FHIT: variants seen among roughly 807,000 people sequenced by gnomAD.
FHIT encodes fragile histidine triad diadenosine triphosphatase.
In FHIT, 19 loss-of-function variants were observed where a neutral mutation model predicts 17.9. The ratio of observed to expected loss-of-function variants is 1.06; its 90% CI spans 0.74 to 1.56. The LOEUF is 1.56. Ranked by LOEUF, FHIT falls within the 40% of genes most tolerant of loss-of-function variation. FHIT has a pLI of 0.00. For synonymous variants in FHIT, 81 were observed against 69.7 expected (o/e 1.16, Z -0.81); for missense variants, 248 against 189.2 (o/e 1.31, Z -1.82).
chr3:59,786,751 A>C (rs952802994), intron 8 of FHIT, among the ~76,000 whole-genome samples: 4 of 152,230 alleles, frequency 2.6e-5, no homozygotes, highest in Non-Finnish European at 5.9e-5. Flanking sequence ...TGCCATGTTT[A>C]CTCAACACAC....
intron 5 of FHIT, among the ~76,000 whole-genome samples, chr3:60,440,067 C>G (rs1448544908): frequency 6.6e-6 from 1 of 152,110 alleles, no homozygotes; most frequent in Non-Finnish European, 1.5e-5. Flanking sequence ...ACCTAGCCCC[C>G]AGAGTCTCAT....
chr3:60,652,182 A>G (rs1315589007), intron 4 of FHIT, among the ~76,000 whole-genome samples: 1 of 152,204 alleles, frequency 6.6e-6, no homozygotes, highest in Non-Finnish European at 1.5e-5. Flanking sequence ...ATTACAGGCC[A>G]GGCTGAATAT....
At chr3:60,111,498 C>G (rs1020852776) in intron 5 of FHIT, among the ~76,000 whole-genome samples, 2 of 152,200 alleles carry the variant, frequency 1.3e-5, no homozygotes, top group Non-Finnish European at 1.5e-5. Context: ...AGATTAGTTT[C>G]TTCCAGCAAT....
intron 5 of FHIT, among the ~76,000 whole-genome samples, chr3:60,143,058 C>T (rs774184318): frequency 5.3e-5 from 8 of 152,058 alleles, no homozygotes; most frequent in African/African-American, 7.2e-5. Context: ...ACTGGGTCTG[C>T]GGCACAATTT....
chr3:60,946,815 C>G (rs1394009234), intron 3 of FHIT, among the ~76,000 whole-genome samples: 4 of 152,022 alleles, frequency 2.6e-5, no homozygotes, highest in Non-Finnish European at 4.4e-5. Flanking sequence ...AAGAGTTTGC[C>G]AAGAGTATCA....
chr3:61,144,026 G>A (rs1159418609), intron 2 of FHIT, among the ~76,000 whole-genome samples: 2 of 152,184 alleles, frequency 1.3e-5, no homozygotes, highest in Admixed American at 1.3e-4. Context: ...TTGCCAATGT[G>A]CTTTTTTATA....
intron 5 of FHIT, among the ~76,000 whole-genome samples, chr3:60,064,320 G>T (rs1702410907): frequency 6.6e-6 from 1 of 151,974 alleles, no homozygotes; most frequent in South Asian, 2.1e-4. Flanking sequence ...CTCCGAAATG[G>T]GTGGTATTTT....
At chr3:60,382,655 T>A (rs1378379622) in intron 5 of FHIT, among the ~76,000 whole-genome samples, 1 of 152,182 alleles carries the variant, frequency 6.6e-6, no homozygotes, top group Non-Finnish European at 1.5e-5. Flanking sequence ...GAGTCCATAT[T>A]ATTCCCTGAT....
At chr3:61,061,138 T>G (rs1246512236) in intron 2 of FHIT, among the ~76,000 whole-genome samples, 1 of 152,218 alleles carries the variant, frequency 6.6e-6, no homozygotes, top group Non-Finnish European at 1.5e-5. Flanking sequence ...CAGGACTTGT[T>G]GTCAGGAGAG....
intron 5 of FHIT, among the ~76,000 whole-genome samples, chr3:60,506,510 T>C (rs190086009): frequency 5.3e-5 from 8 of 152,330 alleles, no homozygotes; most frequent in African/African-American, 1.7e-4. Flanking sequence ...CACCATTTTC[T>C]TCACAAATAT....
intron 4 of FHIT, among the ~76,000 whole-genome samples, chr3:60,571,159 C>T (rs1435307935): frequency 6.6e-6 from 1 of 151,490 alleles, no homozygotes; most frequent in Non-Finnish European, 1.5e-5. Context: ...GACATCCCAT[C>T]TCCCCGTCTC....
chr3:60,464,366 C>G (rs1177865152), intron 5 of FHIT, among the ~76,000 whole-genome samples: 2 of 152,110 alleles, frequency 1.3e-5, no homozygotes, highest in Non-Finnish European at 2.9e-5. Flanking sequence ...GTGTTACAAA[C>G]AATCCTATCA....
chr3:60,582,597 C>G (rs1303093078), intron 4 of FHIT, among the ~76,000 whole-genome samples: 1 of 151,260 alleles, frequency 6.6e-6, no homozygotes, highest in Admixed American at 6.6e-5. Flanking sequence ...CATTTCAAGA[C>G]AATTTCTGGG....
intron 1 of FHIT, among the ~76,000 whole-genome samples, chr3:61,212,403 T>G (rs192659290): frequency 1.5e-4 from 23 of 152,152 alleles, no homozygotes; most frequent in African/African-American, 5.5e-4. Context: ...AGGGTATCAA[T>G]GATGGAAGAT....
intron 5 of FHIT, among the ~76,000 whole-genome samples, chr3:60,254,195 C>T (rs565777641): frequency 6.6e-6 from 1 of 152,056 alleles, no homozygotes; most frequent in Non-Finnish European, 1.5e-5. Context: ...TCCTGCAGAC[C>T]AAAGCAAGAC....
intron 3 of FHIT, among the ~76,000 whole-genome samples, chr3:61,019,625 C>T (rs1198449096): frequency 1.3e-5 from 2 of 152,168 alleles, no homozygotes; most frequent in Non-Finnish European, 2.9e-5. Flanking sequence ...TGTAATATAA[C>T]GCTATATAGC....
intron 8 of FHIT, among the ~76,000 whole-genome samples, chr3:59,897,829 C>T (rs539363105): frequency 6.2e-4 from 94 of 151,470 alleles, no homozygotes; most frequent in African/African-American, 2.0e-3. Context: ...TGCAGTGGCG[C>T]GATCTCGGCT....
At chr3:60,920,124 A>G (rs6789015) in intron 3 of FHIT, among the ~76,000 whole-genome samples, 90,900 of 152,070 alleles carry the variant, frequency 0.6, 27,459 homozygotes, top group East Asian at 0.73. Context: ...AATGAATTTA[A>G]TTTTTTCAAT....
intron 5 of FHIT, among the ~76,000 whole-genome samples, chr3:60,396,589 A>G (rs1701451297): frequency 6.6e-6 from 1 of 152,210 alleles, no homozygotes; most frequent in African/African-American, 2.4e-5. Context: ...AATACCTAAA[A>G]TAGATAAACC....
Sources: allele counts gnomAD v4.1 joint callset (sites outside exome capture counted in the v4.1 genomes callset), GRCh38; gene constraint gnomAD v4.1.1; transcripts MANE v1.5; gene names NCBI Gene and HGNC (gene_info 2026-07-23, HGNC 2026-07-21).